Variants in PPT1 observed in about 807,000 individuals in gnomAD.
PPT1 encodes the protein ceroid-palmitoyl-palmitoyl-protein thioesterase 1.
In PPT1, 24 loss-of-function variants were observed where a neutral mutation model predicts 44.0. The observed-to-expected ratio is 0.54, with a 90% CI of 0.39 to 0.77. The LOEUF (loss-of-function observed/expected upper bound fraction) is 0.77, where lower values mean the gene tolerates loss of function less well. Ranked by LOEUF, PPT1 falls within the 30% of genes least tolerant of loss-of-function variation. The pLI is 0.00. For synonymous variants in PPT1, 148 were observed against 140.2 expected, an observed-to-expected ratio of 1.06 and a Z score of -0.39; for missense variants, 341 against 378.8, an observed-to-expected ratio of 0.90 and a Z score of 0.83.
chr1:40,082,591 C>T (rs370227774), intron 5 of PPT1, among the ~76,000 whole-genome samples: 3 of 152,158 alleles, frequency 2.0e-5, no homozygotes, highest in East Asian at 1.9e-4. Flanking sequence ...TCCAGAGCAA[C>T]GTCCTAACTC....
At chr1:40,081,271 C>T (rs1226779514) in intron 5 of PPT1, among the ~76,000 whole-genome samples, 1 of 152,102 alleles carries the variant, frequency 6.6e-6, no homozygotes, top group Non-Finnish European at 1.5e-5. Flanking sequence ...TTCTGTGGCT[C>T]ATGCTTATAA....
chr1:40,075,567 C>T (rs933224293), intron 8 of PPT1, among the ~76,000 whole-genome samples: 1 of 151,398 alleles, frequency 6.6e-6, no homozygotes, highest in Middle Eastern at 3.2e-3. Context: ...AAAAGCCAAG[C>T]CAAGAGGAGA....
In PPT1 at chr1:40,082,964, C is replaced by G. The variant is rs564222173; in HGVS notation, c.537-2477G>C. Reference sequence around the variant, plus strand: ...GCCTCATGGAGCTGATGACTTGAAGCTGAAGCCAATGCTGGGTTACCATTT... The same window carrying G: ...GCCTCATGGAGCTGATGACTTGAAGGTGAAGCCAATGCTGGGTTACCATTT... On this transcript the variant is annotated intron_variant, in intron 5 of 8. Transcript: ENST00000642050. Among the ~76,000 whole-genome samples, 3 of 152,302 alleles carry G rather than the reference C, an allele frequency of 2.0e-5. No individual in the cohort carries two copies. The South Asian group carries it at 6.2e-4, about 32-fold the overall frequency.
At chr1:40,075,826 T>C (rs578006903) in intron 8 of PPT1, among the ~76,000 whole-genome samples, 1 of 151,470 alleles carries the variant, frequency 6.6e-6, no homozygotes, top group Non-Finnish European at 1.5e-5. Context: ...TTAGGCATGG[T>C]GGCGTGTGCC....
At chr1:40,075,799 A>G (rs1372445884) in intron 8 of PPT1, among the ~76,000 whole-genome samples, 4 of 149,394 alleles carry the variant, frequency 2.7e-5, no homozygotes, top group Admixed American at 1.3e-4. Context: ...CCCCGTCTCT[A>G]CTAACAAAAC....
chr1:40,096,638 A>C (rs2124493701), intron 1 of PPT1, among the ~76,000 whole-genome samples: 1 of 151,474 alleles, frequency 6.6e-6, no homozygotes, highest in South Asian at 2.1e-4. Flanking sequence ...TCTTGTATAT[A>C]TGCAAATATT....
intron 5 of PPT1, among the ~76,000 whole-genome samples, chr1:40,081,635 T>C (rs1329403441): frequency 6.6e-6 from 1 of 152,202 alleles, no homozygotes; most frequent in East Asian, 1.9e-4. Flanking sequence ...TCATGTGAGA[T>C]GTGCCTTTCG....
At position 40,091,494 on chromosome 1, in the gene PPT1, T is replaced by C. The variant is rs181976506; in HGVS notation, c.363-95A>G. ...GATTAAGCTAGTCATCCTCTGTGAC[T>C]CCCCAAACCCGCAGAGTTTCAGGAT... On this transcript the variant is annotated intron_variant, in intron 3 of 8. Coordinates refer to ENST00000642050, the MANE Select transcript of PPT1 (RefSeq NM_000310.4). 3.2e-5 allele frequency: 35 copies of C among 1,096,174 alleles called. No individual in the cohort carries two copies. The Admixed American group carries it at 5.5e-4, about 17-fold the overall frequency. 67.9% of individuals were successfully genotyped at this position (1,096,174 alleles called of 1,614,324 possible). A position where few individuals can be genotyped will look rare whatever the true frequency, so the allele number is the denominator to read the frequency against.
In PPT1 at chr1:40,092,448, T is replaced by G. The variant is rs765252032; in HGVS notation, c.184A>C (p.Ile62Leu). The part of the protein sequence containing the change: ...GAIKKMVEKK[I>L]PGIYVLSLEI... ...AAAGATAAGACGTAAATTCCAGGTATTTTCTTCTCCACCATTTTTTTAATA... is the reference window on the plus strand; with the variant it reads ...AAAGATAAGACGTAAATTCCAGGTAGTTTCTTCTCCACCATTTTTTTAATA... The change falls in exon 2 of 9, where the codon ATA (isoleucine) becomes CTA (leucine). Residue 62 changes from isoleucine to leucine, a missense_variant. By Grantham distance (5) the Ile-to-Leu change is conservative. Transcript: ENST00000642050. 34 of 1,614,034 alleles carry G rather than the reference T, an allele frequency of 2.1e-5. 1 individual carries two copies. The South Asian group carries it at 3.6e-4, about 17-fold the overall frequency.
chr1:40,079,381 C>A (rs1648803254), intron 6 of PPT1, among the ~76,000 whole-genome samples: 1 of 133,960 alleles, frequency 7.5e-6, no homozygotes, highest in Non-Finnish European at 1.6e-5. Flanking sequence ...CTTACACAGC[C>A]TTTTCTTTTC....
chr1:40,089,526 T>A lies in PPT1; in HGVS notation c.434-14A>T. 1 of 1,581,506 alleles carries A rather than the reference T, an allele frequency of 6.3e-7. No homozygotes were observed. Among genetic ancestry groups the A allele is most frequent in the Non-Finnish European group, 8.7e-7 (1 of 1,150,388 alleles). On this transcript the variant is annotated splice_polypyrimidine_tract_variant and intron_variant, in intron 4 of 8. Transcript: ENST00000642050. ...GTCCAAAAACACCTACAGTGGTAGATGACAAATATCCACTCCTTCAATAAT... is the reference window on the plus strand; with the variant it reads ...GTCCAAAAACACCTACAGTGGTAGAAGACAAATATCCACTCCTTCAATAAT...
At position 40,093,900 on chromosome 1, in the gene PPT1, A is replaced by G. The variant is rs575877646; in HGVS notation, c.125-1393T>C. 6.0e-4 allele frequency: 379 copies of G among 633,462 alleles called. 1 individual carries two copies. The African/African-American group carries it at 6.5e-3, about 11-fold the overall frequency. 39.2% of individuals were successfully genotyped at this position (633,462 alleles called of 1,614,324 possible). A position where few individuals can be genotyped will look rare whatever the true frequency, so the allele number is the denominator to read the frequency against. On this transcript the variant is annotated intron_variant, in intron 1 of 8. Transcript: ENST00000642050. ...CTCCATCTCAAAAAAAAAAAAAAAA[A>G]AAAATCCATATAGGCCAAGCATGGG...
intron 5 of PPT1, among the ~76,000 whole-genome samples, chr1:40,087,388 G>A (rs1426398038): frequency 6.6e-6 from 1 of 151,918 alleles, no homozygotes; most frequent in Non-Finnish European, 1.5e-5. Flanking sequence ...GACTACAGGT[G>A]TGCACCACCA....
chr1:40,081,295 G>A (rs1284560827), intron 5 of PPT1, among the ~76,000 whole-genome samples: 2 of 152,080 alleles, frequency 1.3e-5, no homozygotes, highest in South Asian at 2.1e-4. Flanking sequence ...CAGCACTTTG[G>A]GAGGCCAAGG....
intron 4 of PPT1, 46 bp from the exon 5 acceptor site, chr1:40,089,558 T>G: frequency 7.3e-7 from 1 of 1,371,882 alleles, no homozygotes; most frequent in Non-Finnish European, 1.0e-6. Flanking sequence ...TAATGATGTA[T>G]CGAATACCCA....
rs753316381 is a variant in PPT1 at position 40,092,036 on chromosome 1, G to C, written c.362+9C>G. 5.0e-6 allele frequency: 8 copies of C among 1,613,954 alleles called. No individual in the cohort carries two copies. The South Asian group carries it at 7.7e-5, about 16-fold the overall frequency. ...TATAAGTGGTACAATATAACAAAAAGGAACGTACAGAAATTGGCCTCCCTG... is the reference window on the plus strand; with the variant it reads ...TATAAGTGGTACAATATAACAAAAACGAACGTACAGAAATTGGCCTCCCTG... On this transcript the variant is annotated intron_variant, in intron 3 of 8. Transcript: ENST00000642050.
rs1279327286 is a variant in PPT1 at position 40,091,969 on chromosome 1, G to A, written c.362+76C>T. ...AGATAGGTGACAATCTTGAATTGGA[G>A]GAGTGGATTTATCTGAATAAAAGAA... On this transcript the variant is annotated intron_variant, in intron 3 of 8. Transcript: ENST00000642050. 11 of 1,552,426 alleles carry A rather than the reference G, an allele frequency of 7.1e-6. No individual in the cohort carries two copies. The Admixed American group carries it at 1.9e-4, about 26-fold the overall frequency.
At chr1:40,093,914 G>A (rs1649708638) in intron 1 of PPT1, 1 of 663,186 alleles carries the variant, frequency 1.5e-6, no homozygotes, top group Non-Finnish European at 2.8e-6. Context: ...ATCCATATAG[G>A]CCAAGCATGG....
chr1:40,087,976 TACA>T (rs1649351876), intron 5 of PPT1, among the ~76,000 whole-genome samples: 1 of 152,132 alleles, frequency 6.6e-6, no homozygotes, highest in South Asian at 2.1e-4. Flanking sequence ...TGTAGGTGGT[TACA>T]ACATGAGTCA....
Sources: gnomAD v4.1 joint callset for allele counts (sites outside exome capture counted in the v4.1 genomes callset) on GRCh38, gnomAD v4.1.1 for gene constraint, MANE v1.5 for transcripts, NCBI Gene and HGNC (gene_info 2026-07-23, HGNC 2026-07-21) for gene names.